RTN4: variants seen among roughly 807,000 people sequenced by gnomAD.
RTN4 encodes the protein reticulon-4.
In RTN4, 32 loss-of-function variants were observed where a neutral mutation model predicts 90.4. The ratio of observed to expected loss-of-function variants is 0.35; its 90% CI spans 0.27 to 0.48. The LOEUF (loss-of-function observed/expected upper bound fraction) is 0.48, where lower values mean the gene tolerates loss of function less well. Ranked by LOEUF, RTN4 falls within the 20% of genes least tolerant of loss-of-function variation. The pLI, the probability that RTN4 is intolerant of heterozygous loss-of-function variation, is 0.99. For synonymous variants in RTN4, 629 were observed against 552.5 expected (o/e 1.14, Z -1.94); for missense variants, 1,706 against 1,430.2 (o/e 1.19, Z -3.11).
intron 3 of RTN4, among the ~76,000 whole-genome samples, chr2:54,988,936 A>C (rs1678791856): frequency 6.6e-6 from 1 of 152,198 alleles, no homozygotes; most frequent in African/African-American, 2.4e-5. Flanking sequence ...AGGCTGATGT[A>C]ATTAATCTCT....
intron 1 of RTN4, among the ~76,000 whole-genome samples, chr2:55,032,709 T>C (rs141397461): frequency 2.6e-4 from 39 of 152,028 alleles, no homozygotes; most frequent in African/African-American, 8.2e-4. Context: ...GGAGTTAAAA[T>C]ACCTATAATT....
intron 1 of RTN4, among the ~76,000 whole-genome samples, chr2:55,084,282 C>T (rs1411610655): frequency 6.6e-6 from 1 of 150,702 alleles, no homozygotes; most frequent in East Asian, 1.9e-4. Flanking sequence ...TCTGGCTGTT[C>T]CTGAGTTGCA....
intron 1 of RTN4, among the ~76,000 whole-genome samples, chr2:55,097,356 C>G (rs892381820): frequency 1.3e-5 from 2 of 151,004 alleles, no homozygotes; most frequent in Non-Finnish European, 2.9e-5. Flanking sequence ...ATCAGAATTT[C>G]TGGGGTTGGG....
At position 55,099,508 on chromosome 2, in the gene RTN4, G is replaced by A. The variant is rs140907632; in HGVS notation, c.-214+13012C>T. Among the ~76,000 whole-genome samples the A allele has an allele frequency of 8.5e-5, 13 of 152,086 alleles. No individual in the cohort carries two copies. The East Asian group carries it at 2.1e-3, about 25-fold the overall frequency. On this transcript the variant is annotated intron_variant, in intron 1 of 3. Transcript: ENST00000427710. ...TTGTTCATTTCCTGCCCTAGACCTT[G>A]ACTCAGCCATTTCTTCAAGGAGCCT...
chr2:55,046,779 C>G (rs904953334), intron 1 of RTN4: 1 of 152,200 alleles, frequency 6.6e-6, no homozygotes, highest in African/African-American at 2.4e-5. Flanking sequence ...AAATGGTTAA[C>G]TATCCACAAC....
intron 3 of RTN4, among the ~76,000 whole-genome samples, chr2:55,019,959 TA>T (rs547850570): frequency 7.9e-5 from 12 of 151,036 alleles, no homozygotes; most frequent in Admixed American, 3.3e-4. Context: ...TGCAATAGCT[TA>T]AAAAAAAATA....
chr2:55,028,079 C>T, intron 2 of RTN4, 85 bp downstream of exon 2: 2 of 1,171,750 alleles, frequency 1.7e-6, no homozygotes, highest in Non-Finnish European at 2.4e-6. Context: ...TTTTAGTAAA[C>T]CCAAACTACT....
intron 1 of RTN4, among the ~76,000 whole-genome samples, chr2:55,093,138 C>T (rs1293834549): frequency 6.6e-6 from 1 of 152,098 alleles, no homozygotes; most frequent in Non-Finnish European, 1.5e-5. Context: ...GATGCACATT[C>T]GTGGGCCAGC....
chr2:54,997,683 T>C (rs1452160562), intron 3 of RTN4, among the ~76,000 whole-genome samples: 1 of 152,128 alleles, frequency 6.6e-6, no homozygotes, highest in Non-Finnish European at 1.5e-5. Flanking sequence ...TAAAACGAAA[T>C]GAAGTGCAGT....
intron 1 of RTN4, among the ~76,000 whole-genome samples, chr2:55,097,708 G>A (rs542610483): frequency 5.3e-5 from 8 of 152,236 alleles, no homozygotes; most frequent in African/African-American, 1.7e-4. Context: ...AGGTTGCTGG[G>A]AAAGATAATG....
At chr2:55,113,135 G>T (rs1668067524), upstream of RTN4, among the ~76,000 whole-genome samples, 1 of 152,158 alleles carries the variant, frequency 6.6e-6, no homozygotes, top group South Asian at 2.1e-4. Context: ...TAAGAGAAAG[G>T]CTATGTCCTG....
chr2:55,042,412 T>C (rs144597026), intron 1 of RTN4, among the ~76,000 whole-genome samples: 1 of 152,156 alleles, frequency 6.6e-6, no homozygotes. Flanking sequence ...AGGGACTGAT[T>C]AAATAAAATA....
intron 1 of RTN4, among the ~76,000 whole-genome samples, chr2:55,085,039 C>T (rs1308280860): frequency 6.6e-6 from 1 of 152,210 alleles, no homozygotes; most frequent in Non-Finnish European, 1.5e-5. Context: ...GATCCTCCTG[C>T]CTTGACCTCC....
At chr2:54,988,561 T>C (rs1182865932) in intron 3 of RTN4, among the ~76,000 whole-genome samples, 1 of 152,160 alleles carries the variant, frequency 6.6e-6, no homozygotes, top group Non-Finnish European at 1.5e-5. Context: ...GCTCTTAAGA[T>C]CTGTCTTTTA....
At chr2:55,021,402 C>CA (rs1187290291) in intron 3 of RTN4, among the ~76,000 whole-genome samples, 10 of 148,776 alleles carry the variant, frequency 6.7e-5, no homozygotes, top group Middle Eastern at 3.5e-3. Context: ...CCCCCCCCGC[C>CA]AAAAAAAAAT....
chr2:55,026,557 T>A lies in RTN4; in HGVS notation c.1542A>T (p.Thr514=). ...IVTEKNTSTK[T]SNPFLVAAQD... ...GTGCTGCTACAAGAAAAGGGTTTGA[T>A]GTTTTGGTGCTAGTATTCTTCTCTG... The change falls in exon 3 of 9, where the codon ACA becomes ACT. Residue 514 remains threonine (T), a synonymous_variant. Transcript: ENST00000337526. 6.2e-7 allele frequency: 1 copy of A among 1,613,564 alleles called. No homozygotes were observed. The highest frequency in any genetic ancestry group is 8.5e-7 in the Non-Finnish European group (1 of 1,179,910).
At chr2:55,070,867 C>G (rs1409284633) in intron 2 of RTN4, among the ~76,000 whole-genome samples, 3 of 151,726 alleles carry the variant, frequency 2.0e-5, no homozygotes, top group African/African-American at 4.8e-5. Context: ...AGCTCTGTCT[C>G]CCGGGTTCAC....
At chr2:55,040,371 A>G (rs927059503) in intron 1 of RTN4, among the ~76,000 whole-genome samples, 3 of 152,202 alleles carry the variant, frequency 2.0e-5, no homozygotes, top group African/African-American at 4.8e-5. Context: ...CCTCTTCAGA[A>G]GAGAATAAAT....
chr2:55,012,684 T>TAACA (rs1312111404), intron 3 of RTN4, among the ~76,000 whole-genome samples: 4 of 152,078 alleles, frequency 2.6e-5, no homozygotes, highest in Non-Finnish European at 5.9e-5. Context: ...ATGCTAAAAA[T>TAACA]AACAATCAAA....
Sources: gnomAD v4.1 joint callset for allele counts (sites outside exome capture counted in the v4.1 genomes callset) on GRCh38, gnomAD v4.1.1 for gene constraint, MANE v1.5 for transcripts, NCBI Gene and HGNC (gene_info 2026-07-23, HGNC 2026-07-21) for gene names.